Variants in POLI observed in about 807,000 individuals in gnomAD.
POLI encodes DNA polymerase iota, also known as RAD30 homolog B.
Under a neutral mutation model 51.6 loss-of-function variants are expected in POLI, and 58 were observed. The observed-to-expected ratio is 1.12, with a 90% CI of 0.91 to 1.40. POLI has a LOEUF of 1.40. Among genes scored for constraint, POLI ranks in the 40% most tolerant of loss-of-function variants. POLI has a pLI of 0.00. For missense variants in POLI, 921 were observed against 871.3 expected, an observed-to-expected ratio of 1.06 and a Z score of -0.72; for synonymous variants, 322 against 299.7, an observed-to-expected ratio of 1.07 and a Z score of -0.77.
chr18:54,303,960 G>A (rs1404366188), intron 3 of POLI, among the ~76,000 whole-genome samples: 5 of 150,926 alleles, frequency 3.3e-5, no homozygotes, highest in African/African-American at 1.2e-4. Context: ...CCTGCCCTGT[G>A]TCCAAGTGTT....
At chr18:54,290,100 A>T (rs544912882) in intron 8 of POLI, among the ~76,000 whole-genome samples, 1 of 152,374 alleles carries the variant, frequency 6.6e-6, no homozygotes, top group Non-Finnish European at 1.5e-5. Flanking sequence ...GCTAATATCC[A>T]GAATCTACAA....
intron 3 of POLI, among the ~76,000 whole-genome samples, chr18:54,316,651 T>C (rs2144652814): frequency 6.6e-6 from 1 of 152,254 alleles, no homozygotes; most frequent in South Asian, 2.1e-4. Context: ...ATATGTGGTA[T>C]TTAGGCTTTT....
intron 7 of POLI, chr18:54,284,761 A>G (rs1234255065): frequency 6.6e-6 from 1 of 152,308 alleles, no homozygotes; most frequent in Non-Finnish European, 1.5e-5. Context: ...TCTGATCTGT[A>G]TGTAAAGAGT....
At chr18:54,311,274 A>T (rs1309052496) in intron 3 of POLI, among the ~76,000 whole-genome samples, 2 of 152,164 alleles carry the variant, frequency 1.3e-5, no homozygotes, top group East Asian at 3.8e-4. Flanking sequence ...GTAGTTGGAC[A>T]CTGGAACACA....
At position 54,294,748 on chromosome 18, in the gene POLI, G is replaced by T; in HGVS notation, c.*281G>T. On this transcript the variant is annotated 3_prime_UTR_variant, in exon 10 of 10. Coordinates refer to ENST00000579534, the MANE Select transcript of POLI (RefSeq NM_007195.3). Reference sequence around the variant, plus strand: ...AACATAGAATATTTTTCATGAATTGGTGGGGAGATGTATATGTTTATATAT... The same window carrying T: ...AACATAGAATATTTTTCATGAATTGTTGGGGAGATGTATATGTTTATATAT... 9.8e-7 allele frequency: 1 copy of T among 1,016,638 alleles called. No individual in the cohort carries two copies. The highest frequency in any genetic ancestry group is 1.2e-6 in the Non-Finnish European group (1 of 843,574). 63.0% of individuals were successfully genotyped at this position (1,016,638 alleles called of 1,614,324 possible).
chr18:54,280,466 C>T (rs376770127), intron 4 of POLI, among the ~76,000 whole-genome samples: 1 of 152,210 alleles, frequency 6.6e-6, no homozygotes, highest in South Asian at 2.1e-4. Flanking sequence ...CCCATTTGAC[C>T]CCACCTCCAA....
rs1201095629 is a variant in POLI, at chr18:54,294,357, C to T, written c.2113C>T (p.Pro705Ser). 6.2e-7 allele frequency: 1 copy of T among 1,613,552 alleles called. No homozygotes were observed. Among genetic ancestry groups the T allele is most frequent in the Non-Finnish European group, 8.5e-7 (1 of 1,179,662 alleles). ...TTCTGTTGATGAGAAAATTACTTTC[C>T]CTTCTGACATTGATCCTCAAGTTTT... Reference protein sequence around the residue: ...PDSVDEKITFPSDIDPQVFYE... With the variant: ...PDSVDEKITFSSDIDPQVFYE... Residue 705 changes from proline (P) to serine (S), a missense_variant, in exon 10 of 10, where the codon CCT (proline) becomes TCT (serine). Coordinates refer to ENST00000579534, the MANE Select transcript of POLI (RefSeq NM_007195.3).
At chr18:54,319,929 G>A (rs1007738575) in intron 3 of POLI, among the ~76,000 whole-genome samples, 1 of 152,100 alleles carries the variant, frequency 6.6e-6, no homozygotes, top group Non-Finnish European at 1.5e-5. Flanking sequence ...CTTGGGATAT[G>A]TATTTTATTA....
chr18:54,276,619 A>G (rs1385948858), intron 3 of POLI, among the ~76,000 whole-genome samples: 3 of 152,242 alleles, frequency 2.0e-5, no homozygotes, highest in South Asian at 2.1e-4. Flanking sequence ...GATGAAGGAA[A>G]TGCAAAACAA....
At chr18:54,270,011 C>T (rs1599144442) in intron 1 of POLI, 1 of 1,033,560 alleles carries the variant, frequency 9.7e-7, no homozygotes, top group South Asian at 4.3e-5. Context: ...AGTTGAGGAC[C>T]TTGTCGCTCA....
rs1345810046 is a variant in POLI at position 54,298,008 on chromosome 18, T to TA, written c.*3542dup. On this transcript the variant is annotated 3_prime_UTR_variant, in exon 10 of 10. Transcript: ENST00000579534. ...AAGATAATATCTTTTACTTTGGAGATACGCAGTTTTTATTATATGTCTAGC... is the reference window on the plus strand; with the variant it reads ...AAGATAATATCTTTTACTTTGGAGATAACGCAGTTTTTATTATATGTCTAGC... 19 of 978,204 alleles carry TA rather than the reference T, an allele frequency of 1.9e-5. No homozygotes were observed. Among genetic ancestry groups the TA allele is most frequent in the Non-Finnish European group, 2.1e-5 (17 of 823,480 alleles). The allele number at this position is 978,204 out of a possible 1,614,324, so 60.6% of individuals were successfully genotyped here.
chr18:54,301,454 T>TA (rs2088489701), downstream of POLI, among the ~76,000 whole-genome samples: 12 of 152,302 alleles, frequency 7.9e-5, no homozygotes, highest in South Asian at 1.9e-3. Flanking sequence ...TTCCCTGACT[T>TA]ACAATAGTTC....
intron 7 of POLI, among the ~76,000 whole-genome samples, chr18:54,284,906 C>A (rs1248771687): frequency 6.6e-6 from 1 of 152,154 alleles, no homozygotes; most frequent in African/African-American, 2.4e-5. Context: ...CTGTTTTCGT[C>A]CCATTTCTTT....
Position 54,295,986 on chromosome 18 carries a change from G to T in POLI, c.*1519G>T. On this transcript the variant is annotated 3_prime_UTR_variant, in exon 10 of 10. Coordinates refer to ENST00000579534, the MANE Select transcript of POLI (RefSeq NM_007195.3). ...TTGGAATTTGAAAATATGCTAACAC[G>T]AAGGATTGTAAATAGGTAGTTTGAG... 2.0e-6 allele frequency: 2 copies of T among 985,058 alleles called. No individual in the cohort carries two copies. The highest frequency in any genetic ancestry group is 2.4e-6 in the Non-Finnish European group (2 of 829,686). The allele number at this position is 985,058 out of a possible 1,614,324, so 61.0% of individuals were successfully genotyped here. A position where few individuals can be genotyped will look rare whatever the true frequency, so the allele number is the denominator to read the frequency against.
At position 54,297,992 on chromosome 18, in the gene POLI, T is replaced by A. The variant is rs1372992167; in HGVS notation, c.*3525T>A. ...TCTCTTGAGCTGTTCTAAGATAATA[T>A]CTTTTACTTTGGAGATACGCAGTTT... On this transcript the variant is annotated 3_prime_UTR_variant, in exon 10 of 10. Coordinates refer to ENST00000579534, the MANE Select transcript of POLI (RefSeq NM_007195.3). 1.0e-6 allele frequency: 1 copy of A among 980,768 alleles called. No homozygotes were observed. The highest frequency in any genetic ancestry group is 1.2e-6 in the Non-Finnish European group (1 of 825,674). 60.8% of individuals were successfully genotyped at this position (980,768 alleles called of 1,614,324 possible).
At position 54,296,832 on chromosome 18, in the gene POLI, C is replaced by T; in HGVS notation, c.*2365C>T. 1.6e-6 allele frequency: 1 copy of T among 626,872 alleles called. No individual in the cohort carries two copies. The highest frequency in any genetic ancestry group is 2.0e-6 in the Non-Finnish European group (1 of 505,150). 38.8% of individuals were successfully genotyped at this position (626,872 alleles called of 1,614,324 possible). ...ACTTCCCGTTTACTCATTACAGTCC[C>T]TTGTAAGTCTGTTTCTAATTTTTAA... On this transcript the variant is annotated 3_prime_UTR_variant, in exon 10 of 10. Coordinates refer to ENST00000579534, the MANE Select transcript of POLI (RefSeq NM_007195.3).
chr18:54,292,058 T>G lies in POLI; in HGVS notation c.1404+20T>G. ...AGTTTTGTAAGTACACTCTTTTTTG[T>G]TCAGTTTTCTAAGTATACTCTTATG... On this transcript the variant is annotated intron_variant, in intron 9 of 9. Transcript: ENST00000579534. 1 of 1,469,044 alleles carries G rather than the reference T, an allele frequency of 6.8e-7. No homozygotes were observed. The highest frequency in any genetic ancestry group is 2.3e-5 in the East Asian group (1 of 43,954). The allele number at this position is 1,469,044 out of a possible 1,614,324, so 91.0% of individuals were successfully genotyped here.
intron 7 of POLI, 167 bp downstream of exon 7, chr18:54,284,180 A>G (rs1485288081): frequency 2.2e-6 from 1 of 462,770 alleles, no homozygotes; most frequent in Middle Eastern, 5.1e-4. Context: ...TGTTGTAAAG[A>G]TGGTAATAGG....
rs1202898762 is a variant in POLI at position 54,277,834 on chromosome 18, G to C, written c.538G>C (p.Gly180Arg). The C allele has an allele frequency of 6.2e-7, 1 of 1,612,018 alleles. No individual in the cohort carries two copies. Among genetic ancestry groups the C allele is most frequent in the Admixed American group, 1.7e-5 (1 of 59,832 alleles). ...SDELSAVTVSGHVYNNQSINL... is the reference protein window; with the variant it reads ...SDELSAVTVSRHVYNNQSINL... ...TGAACTTTCTGCGGTGACTGTGTCG[G>C]GTCATGTATACAATAATCAGTGTGA... The change falls in exon 4 of 10, where the codon GGT becomes CGT. Residue 180 changes from glycine to arginine, a missense_variant. Gly to Arg is a moderately radical substitution (Grantham distance 125, BLOSUM62 -2). Coordinates refer to ENST00000579534, the MANE Select transcript of POLI (RefSeq NM_007195.3).
Sources: allele counts gnomAD v4.1 joint callset (sites outside exome capture counted in the v4.1 genomes callset), GRCh38; gene constraint gnomAD v4.1.1; transcripts MANE v1.5; gene names NCBI Gene and HGNC (gene_info 2026-07-23, HGNC 2026-07-21).